The following URI1 variants were observed in gnomAD, a reference collection of about 807,000 sequenced individuals.
URI1 encodes URI1 prefoldin like chaperone.
URI1 carries 39 observed loss-of-function variants against 60.2 expected under a neutral mutation model. The observed-to-expected ratio is 0.65, with a 90% CI of 0.50 to 0.85. URI1 has a LOEUF of 0.85. URI1 is among the 40% of genes least tolerant of loss of function. The pLI is 0.00. For missense variants in URI1, 691 were observed against 665.9 expected (o/e 1.04, Z -0.42); for synonymous variants, 251 against 236.8 (o/e 1.06, Z -0.55).
intron 1 of URI1, among the ~76,000 whole-genome samples, chr19:29,928,107 A>G (rs1373918745): frequency 6.6e-6 from 1 of 151,948 alleles, no homozygotes; most frequent in African/African-American, 2.4e-5. Flanking sequence ...GTGACAGTTA[A>G]TCTCAAGTCC....
At chr19:29,927,514 G>C (rs1187026340) in intron 1 of URI1, among the ~76,000 whole-genome samples, 1 of 145,520 alleles carries the variant, frequency 6.9e-6, no homozygotes, top group Non-Finnish European at 1.5e-5. Context: ...CACCTGTCTC[G>C]GCCTCCCAAA....
At chr19:29,966,690 G>T (rs2055395332) in intron 1 of URI1, among the ~76,000 whole-genome samples, 1 of 152,132 alleles carries the variant, frequency 6.6e-6, no homozygotes, top group Non-Finnish European at 1.5e-5. Flanking sequence ...CACATAACAT[G>T]TATGTCCAGT....
chr19:29,976,321 G>A (rs1279707586), intron 2 of URI1, among the ~76,000 whole-genome samples: 2 of 152,188 alleles, frequency 1.3e-5, no homozygotes, highest in East Asian at 1.9e-4. Context: ...TGCTAGTCTT[G>A]TGTGGGCTCA....
At chr19:29,950,725 C>G (rs1451448812) in intron 1 of URI1, among the ~76,000 whole-genome samples, 2 of 152,158 alleles carry the variant, frequency 1.3e-5, no homozygotes, top group Admixed American at 6.6e-5. Flanking sequence ...ACCATATTCA[C>G]ATTTTCTCAG....
At chr19:30,014,536 A>G (rs2056061646) in intron 10 of URI1, among the ~76,000 whole-genome samples, 1 of 152,182 alleles carries the variant, frequency 6.6e-6, no homozygotes, top group African/African-American at 2.4e-5. Context: ...CCCTAATAGC[A>G]TTTTTATTTT....
Position 30,015,860 on chromosome 19 carries a change from A to C in URI1, c.*791A>C, listed in dbSNP as rs1568451747. On this transcript the variant is annotated 3_prime_UTR_variant, in exon 11 of 11. Coordinates refer to ENST00000392271, the MANE Select transcript of URI1 (RefSeq NM_003796.3). ...AGTTTCACTGGGATTATGTTTTGGG[A>C]AACAAGGAAAGGTCTAGATGCTTAA... 4 of 335,350 alleles carry C rather than the reference A, an allele frequency of 1.2e-5. No homozygotes were observed. The highest frequency in any genetic ancestry group is 2.1e-5 in the Non-Finnish European group (4 of 186,454). 20.8% of individuals were successfully genotyped at this position (335,350 alleles called of 1,614,324 possible).
chr19:29,956,804 CCCGA>C (rs1382305784), intron 1 of URI1: 1 of 1,600,540 alleles, frequency 6.2e-7, no homozygotes, highest in African/African-American at 1.3e-5. Flanking sequence ...CTTTCTGTTA[CCCGA>C]CCATTTGTCA....
At chr19:29,934,553 T>G (rs1029965185) in intron 1 of URI1, among the ~76,000 whole-genome samples, 1 of 152,132 alleles carries the variant, frequency 6.6e-6, no homozygotes, top group African/African-American at 2.4e-5. Flanking sequence ...TTCTCTGTTA[T>G]GACATGAGGT....
intron 2 of URI1, among the ~76,000 whole-genome samples, chr19:29,983,962 C>A (rs1158597837): frequency 6.6e-6 from 1 of 152,146 alleles, no homozygotes; most frequent in Non-Finnish European, 1.5e-5. Flanking sequence ...ATTTCTTCTA[C>A]CCCCAGTTGA....
At chr19:29,974,675 A>G (rs2055499300) in intron 2 of URI1, among the ~76,000 whole-genome samples, 1 of 152,118 alleles carries the variant, frequency 6.6e-6, no homozygotes, top group South Asian at 2.1e-4. Flanking sequence ...TTGAGGTACA[A>G]TTGAACCCAT....
At chr19:29,933,771 G>A (rs983983289) in intron 1 of URI1, among the ~76,000 whole-genome samples, 3 of 151,260 alleles carry the variant, frequency 2.0e-5, no homozygotes, top group African/African-American at 4.9e-5. Context: ...GCAGTGAGCC[G>A]AGACTGTGCT....
At chr19:30,006,232 G>A (rs2055941025) in intron 6 of URI1, among the ~76,000 whole-genome samples, 1 of 152,080 alleles carries the variant, frequency 6.6e-6, no homozygotes, top group Non-Finnish European at 1.5e-5. Context: ...ATGTGTTTGG[G>A]TTTACTTCTG....
At chr19:29,990,364 T>C (rs1346709118) in intron 4 of URI1, among the ~76,000 whole-genome samples, 1 of 152,210 alleles carries the variant, frequency 6.6e-6, no homozygotes, top group Non-Finnish European at 1.5e-5. Flanking sequence ...ACATTGTGTT[T>C]TACTGTGATC....
intron 4 of URI1, among the ~76,000 whole-genome samples, chr19:29,993,888 A>C (rs373256696): frequency 6.6e-6 from 1 of 152,130 alleles, no homozygotes; most frequent in East Asian, 1.9e-4. Context: ...CCTCCACTCA[A>C]ATTGTAGGCA....
chr19:29,936,047 A>T (rs2054969282), intron 1 of URI1, among the ~76,000 whole-genome samples: 1 of 151,966 alleles, frequency 6.6e-6, no homozygotes, highest in South Asian at 2.1e-4. Context: ...TGGCCTCCCA[A>T]AGTGCTGGGA....
chr19:30,005,002 A>G (rs920963525), intron 4 of URI1, among the ~76,000 whole-genome samples: 3 of 152,064 alleles, frequency 2.0e-5, no homozygotes, highest in Non-Finnish European at 2.9e-5. Flanking sequence ...CAGCTGGACA[A>G]AAATTACCTG....
chr19:29,995,370 C>A (rs2055798580), intron 4 of URI1, among the ~76,000 whole-genome samples: 1 of 151,926 alleles, frequency 6.6e-6, no homozygotes, highest in African/African-American at 2.4e-5. Flanking sequence ...TGTATATCAT[C>A]TTTGGAGAAA....
chr19:29,957,978 G>C lies in URI1; in HGVS notation c.118-13215G>C, dbSNP rs561096974. ...TTTTTTGTTGTTGTTAAAAAATAGA[G>C]ATGAGTTTGCTGTGTTGGCCAGACT... is the stretch of plus-strand genomic sequence containing the variant. On this transcript the variant is annotated intron_variant, in intron 1 of 10. Transcript: ENST00000392271. 10 of 149,544 alleles carry C rather than the reference G, an allele frequency of 6.7e-5. No homozygotes were observed. In the East Asian group the frequency reaches 1.8e-3, roughly 27 times the overall value. 9.3% of individuals were successfully genotyped at this position (149,544 alleles called of 1,614,324 possible). A position where few individuals can be genotyped will look rare whatever the true frequency, so the allele number is the denominator to read the frequency against.
At chr19:29,942,039 CAAAA>C (rs10534644), upstream of URI1, among the ~76,000 whole-genome samples, 34 of 147,714 alleles carry the variant, frequency 2.3e-4, no homozygotes, top group South Asian at 2.1e-4. Context: ...TACGTAATCT[CAAAA>C]AAAAAAAAAG....
Sources: allele counts gnomAD v4.1 joint callset (sites outside exome capture counted in the v4.1 genomes callset), GRCh38; gene constraint gnomAD v4.1.1; transcripts MANE v1.5; gene names NCBI Gene and HGNC (gene_info 2026-07-23, HGNC 2026-07-21).